Variants in FSTL1 observed in about 807,000 individuals in gnomAD.
FSTL1 encodes follistatin like 1.
Under a neutral mutation model 45.9 loss-of-function variants are expected in FSTL1, and 24 were observed. The observed-to-expected ratio is 0.52, with a 90% CI of 0.38 to 0.74. The LOEUF is 0.74. Ranked by LOEUF, FSTL1 falls within the 30% of genes least tolerant of loss-of-function variation. FSTL1 has a pLI of 0.00. For synonymous variants in FSTL1, 120 were observed against 137.6 expected (o/e 0.87, Z 0.89); for missense variants, 340 against 381.8 (o/e 0.89, Z 0.91).
intron 2 of FSTL1, among the ~76,000 whole-genome samples, chr3:120,428,750 GCAACAA>G (rs71156800): frequency 0.22 from 33,416 of 150,958 alleles, 4,158 homozygotes; most frequent in Middle Eastern, 0.33. Context: ...AAAACAAACA[GCAACAA>G]CAACAACAAC....
chr3:120,421,223 G>C (rs919021707), intron 2 of FSTL1: 1 of 152,168 alleles, frequency 6.6e-6, no homozygotes, highest in Non-Finnish European at 1.5e-5. Flanking sequence ...GAAGTGGGCC[G>C]GCTCTGTCCC....
intron 2 of FSTL1, chr3:120,418,963 T>A (rs1937233617): frequency 6.6e-6 from 1 of 152,128 alleles, no homozygotes; most frequent in Admixed American, 6.5e-5. Context: ...GCAGTGATAA[T>A]AGAGAACAGA....
chr3:120,422,765 G>C (rs1937303211), intron 2 of FSTL1, among the ~76,000 whole-genome samples: 1 of 151,808 alleles, frequency 6.6e-6, no homozygotes, highest in South Asian at 2.1e-4. Flanking sequence ...CACAATCTCA[G>C]CTCACTGTAA....
At chr3:120,422,886 G>T (rs1937307201) in intron 2 of FSTL1, among the ~76,000 whole-genome samples, 1 of 152,100 alleles carries the variant, frequency 6.6e-6, no homozygotes, top group Non-Finnish European at 1.5e-5. Context: ...GTAGAGATGG[G>T]GTTTCACCAT....
At chr3:120,411,752 G>T in intron 4 of FSTL1, 102 bp downstream of exon 4, 1 of 1,028,522 alleles carries the variant, frequency 9.7e-7, no homozygotes, top group Non-Finnish European at 1.5e-6. Flanking sequence ...TTGAGAGGCT[G>T]TGGTCGTGGA....
chr3:120,393,959 G>C lies in FSTL1; in HGVS notation c.*2993C>G, dbSNP rs1013731128. On this transcript the variant is annotated 3_prime_UTR_variant, in exon 11 of 11. Coordinates refer to ENST00000295633, the MANE Select transcript of FSTL1 (RefSeq NM_007085.5). ...TGGTACCTTGATCTTAGGCTTCCCA[G>C]CCTTCAGAACTGTGAGCAATACATT... The C allele has an allele frequency of 2.6e-5, 4 of 152,228 alleles. No homozygotes were observed. The highest frequency in any genetic ancestry group is 9.7e-5 in the African/African-American group (4 of 41,444). 9.4% of individuals were successfully genotyped at this position (152,228 alleles called of 1,614,324 possible). A position where few individuals can be genotyped will look rare whatever the true frequency, so the allele number is the denominator to read the frequency against.
At chr3:120,402,766 C>T in intron 9 of FSTL1, 42 bp downstream of exon 9, 1 of 1,163,040 alleles carries the variant, frequency 8.6e-7, no homozygotes, top group South Asian at 1.2e-5. Context: ...TCATGAAGCT[C>T]TCTCCTTGCT....
intron 2 of FSTL1, 133 bp from the exon 3 acceptor site, chr3:120,416,160 T>C: frequency 4.3e-6 from 3 of 705,052 alleles, no homozygotes; most frequent in Middle Eastern, 2.4e-4. Flanking sequence ...CAGCTAGATG[T>C]TGGGTCTTAA....
intron 2 of FSTL1, among the ~76,000 whole-genome samples, chr3:120,446,445 T>C (rs5000757): frequency 0.57 from 87,177 of 152,056 alleles, 28,072 homozygotes; most frequent in East Asian, 0.75. Context: ...CCACTTGCGA[T>C]GGCCAGGGCC....
intron 7 of FSTL1, 133 bp downstream of exon 7, chr3:120,404,720 C>T: frequency 1.5e-6 from 1 of 688,868 alleles, no homozygotes; most frequent in South Asian, 1.7e-5. Context: ...TAGAACAGGA[C>T]AGAATTCCCA....
intron 2 of FSTL1, among the ~76,000 whole-genome samples, chr3:120,450,058 A>G (rs1185847572): frequency 6.6e-6 from 1 of 152,082 alleles, no homozygotes; most frequent in Admixed American, 6.6e-5. Context: ...GAAATGCTTT[A>G]ACTGGAAACT....
Position 120,403,664 on chromosome 3 carries a change from C to T in FSTL1, c.582-310G>A, listed in dbSNP as rs568869880. ...GTTTTCACTGCCTGCATACCTTCCACTAGCAATTGCTTTTCCCCATGGTAT... is the reference window on the plus strand; with the variant it reads ...GTTTTCACTGCCTGCATACCTTCCATTAGCAATTGCTTTTCCCCATGGTAT... On this transcript the variant is annotated intron_variant, in intron 7 of 10. Coordinates refer to ENST00000295633, the MANE Select transcript of FSTL1 (RefSeq NM_007085.5). Among the ~76,000 whole-genome samples the T allele has an allele frequency of 6.6e-5, 10 of 152,264 alleles. No homozygotes were observed. In the South Asian group the frequency reaches 2.1e-3, roughly 32 times the overall value.
intron 10 of FSTL1, among the ~76,000 whole-genome samples, chr3:120,398,434 T>C (rs529057363): frequency 1.3e-5 from 2 of 152,144 alleles, no homozygotes; most frequent in South Asian, 2.1e-4. Context: ...CCACACACAC[T>C]GATAGGCCAC....
intron 2 of FSTL1, among the ~76,000 whole-genome samples, chr3:120,417,432 T>G (rs1937205633): frequency 6.6e-6 from 1 of 152,196 alleles, no homozygotes; most frequent in Non-Finnish European, 1.5e-5. Flanking sequence ...AGGGCTCCCA[T>G]TGGTCTAGAA....
chr3:120,400,030 C>T (rs1936790392), intron 9 of FSTL1, 71 bp from the exon 10 acceptor site: 1 of 968,092 alleles, frequency 1.0e-6, no homozygotes, highest in Non-Finnish European at 1.6e-6. Context: ...CAAGATCTAC[C>T]TAGAGGCTCT....
At chr3:120,401,832 C>T (rs1560010653) in intron 9 of FSTL1, among the ~76,000 whole-genome samples, 2 of 152,156 alleles carry the variant, frequency 1.3e-5, no homozygotes, top group African/African-American at 4.8e-5. Flanking sequence ...TTGGCCTCCC[C>T]AAGTGTTGGG....
chr3:120,437,135 C>T (rs532300873), intron 2 of FSTL1, among the ~76,000 whole-genome samples: 31 of 152,314 alleles, frequency 2.0e-4, no homozygotes, highest in Non-Finnish European at 2.1e-4. Context: ...ATTTCTCGGA[C>T]CATCTTTGAG....
intron 6 of FSTL1, among the ~76,000 whole-genome samples, chr3:120,409,087 A>G (rs1937001212): frequency 6.6e-6 from 1 of 152,218 alleles, no homozygotes; most frequent in Non-Finnish European, 1.5e-5. Context: ...GATTCTTCTC[A>G]TATGAAGACT....
Position 120,412,828 on chromosome 3 carries a change from GCGCGCGCGCGCACACA to G in FSTL1, c.169-861_169-846del, listed in dbSNP as rs1417171662. 2.5e-3 allele frequency among the ~76,000 whole-genome samples: 169 copies of G among 67,480 alleles called. 1 individual carries two copies. Among genetic ancestry groups the G allele is most frequent in the African/African-American group, 6.9e-3 (160 of 23,164 alleles). The allele number at this position is 67,480 out of a possible 152,430, so 44.3% of individuals were successfully genotyped here. On this transcript the variant is annotated intron_variant, in intron 3 of 10. Transcript: ENST00000295633. ...CAAACACACACACATGTGCGCGCGC[GCGCGCGCGCGCACACA>G]CACACACACACACACACACACACAC...
Sources: allele counts gnomAD v4.1 joint callset (sites outside exome capture counted in the v4.1 genomes callset), GRCh38; gene constraint gnomAD v4.1.1; transcripts MANE v1.5; gene names NCBI Gene and HGNC (gene_info 2026-07-23, HGNC 2026-07-21).